The following FAM199X variants were observed in gnomAD, a reference collection of about 807,000 sequenced individuals.
The protein encoded by FAM199X is protein FAM199X.
A neutral mutation model predicts 22.9 loss-of-function variants in FAM199X; 4 were observed. That is an observed-to-expected ratio of 0.17 (90% CI 0.09 to 0.40). FAM199X has a LOEUF of 0.40. FAM199X is among the 10% of genes least tolerant of loss of function. The probability of loss-of-function intolerance (pLI) is 1.00; values close to 1 mark genes in which losing one functional copy is unlikely to be tolerated. For missense variants in FAM199X, 183 were observed against 306.8 expected (o/e 0.60, Z 3.01); for synonymous variants, 101 against 112.3 (o/e 0.90, Z 0.64).
chrX:104,161,835 T>TGTTTTTTTG (rs1295122979), upstream of FAM199X, among the ~76,000 whole-genome samples: 1 of 110,290 alleles, frequency 9.1e-6, no homozygotes, highest in Non-Finnish European at 1.9e-5. Flanking sequence ...AGCGTGACTC[T>TGTTTTTTTG]GTCTAAAAAC....
chrX:104,159,475 A>G, the FAM199X span, among the ~76,000 whole-genome samples: 1 of 112,345 alleles, frequency 8.9e-6, no homozygotes, highest in African/African-American at 3.2e-5. Flanking sequence ...AGAAAGGGAG[A>G]TGTGTTCCTA....
chrX:104,167,907 G>C (rs916070865), intron 1 of FAM199X, among the ~76,000 whole-genome samples: 3 of 110,826 alleles, frequency 2.7e-5, no homozygotes, highest in Non-Finnish European at 5.7e-5. Context: ...GGGGGGGTGT[G>C]TGGTTAAGGC....
chrX:104,182,715 A>T (rs1556378204), intron 2 of FAM199X, among the ~76,000 whole-genome samples: 1 of 111,685 alleles, frequency 9.0e-6, no homozygotes, highest in Non-Finnish European at 1.9e-5. Flanking sequence ...TGCCTTGTGA[A>T]ATTAACCCAG....
At chrX:104,160,078 G>T in the FAM199X span, among the ~76,000 whole-genome samples, 1 of 112,185 alleles carries the variant, frequency 8.9e-6, no homozygotes, top group African/African-American at 3.2e-5. Context: ...TCTGCTTCTA[G>T]GGAACCCTAA....
upstream of FAM199X, among the ~76,000 whole-genome samples, chrX:104,166,386 G>C (rs989220597): frequency 3.6e-4 from 40 of 112,101 alleles, 1 homozygote. Context: ...CTCCGGTCCA[G>C]CAGGGGGCAC....
chrX:104,177,912 A>G (rs1380083011), intron 2 of FAM199X, among the ~76,000 whole-genome samples: 1 of 111,917 alleles, frequency 8.9e-6, no homozygotes, highest in East Asian at 2.8e-4. Flanking sequence ...TGTTCACTTG[A>G]TAGTGTCCTT....
chrX:104,181,781 T>C (rs67444858), intron 2 of FAM199X, among the ~76,000 whole-genome samples: 17,829 of 110,269 alleles, frequency 0.16, 1,236 homozygotes, highest in Non-Finnish European at 0.23. Flanking sequence ...TTTTCTTATA[T>C]GTAAAATGAG....
At chrX:104,182,817 T>A (rs1921696013) in intron 2 of FAM199X, among the ~76,000 whole-genome samples, 1 of 111,425 alleles carries the variant, frequency 9.0e-6, no homozygotes, top group African/African-American at 3.3e-5. Context: ...GAAAAGTATA[T>A]CTCTTTATTG....
At chrX:104,182,917 C>G (rs1556378234) in intron 2 of FAM199X, among the ~76,000 whole-genome samples, 1 of 111,364 alleles carries the variant, frequency 9.0e-6, no homozygotes, top group Non-Finnish European at 1.9e-5. Context: ...TTACTACTAA[C>G]TCTGAGGCTC....
upstream of FAM199X, among the ~76,000 whole-genome samples, chrX:104,164,804 C>T (rs181047313): frequency 2.0e-3 from 221 of 111,300 alleles, 2 homozygotes; most frequent in Middle Eastern, 4.7e-3. Flanking sequence ...AGCTTGAACC[C>T]GGGAGGTGGG....
chrX:104,179,276 G>A (rs1418674938), intron 2 of FAM199X, among the ~76,000 whole-genome samples: 1 of 112,085 alleles, frequency 8.9e-6, no homozygotes, highest in Non-Finnish European at 1.9e-5. Flanking sequence ...TCATTAATAT[G>A]AGATGGAATA....
At chrX:104,176,948 G>T (rs1921506947) in intron 2 of FAM199X, among the ~76,000 whole-genome samples, 1 of 110,846 alleles carries the variant, frequency 9.0e-6, no homozygotes, top group African/African-American at 3.3e-5. Flanking sequence ...ATATTATTTG[G>T]ATTAAAACAT....
chrX:104,194,221 G>T lies in FAM199X; in HGVS notation c.*4443G>T, dbSNP rs1285223775. 1 of 111,355 alleles carries T rather than the reference G, an allele frequency of 9.0e-6. No individual in the cohort carries two copies. Among genetic ancestry groups the T allele is most frequent in the East Asian group, 2.8e-4 (1 of 3,588 alleles). The allele number at this position is 111,355 out of a possible 1,213,427, so 9.2% of individuals were successfully genotyped here. On this transcript the variant is annotated 3_prime_UTR_variant, in exon 6 of 6. Coordinates refer to ENST00000493442, the MANE Select transcript of FAM199X (RefSeq NM_207318.4). ...GTTTGATCTTCTCTAAATTCTGTATGTAGTACTTTTTTTAATTGTCACATT... is the reference window on the plus strand; with the variant it reads ...GTTTGATCTTCTCTAAATTCTGTATTTAGTACTTTTTTTAATTGTCACATT...
At position 104,190,315 on chromosome X, in the gene FAM199X, CT is replaced by C. The variant is rs1921906733; in HGVS notation, c.*541del. Reference sequence around the variant, plus strand: ...ATAATTCTTGATTCCTGGTGGAAATCTTTTCTGAGGTGTGGGGGTGGGCAAG... The same window carrying C: ...ATAATTCTTGATTCCTGGTGGAAATCTTTCTGAGGTGTGGGGGTGGGCAAG... On this transcript the variant is annotated 3_prime_UTR_variant, in exon 6 of 6. Transcript: ENST00000493442. The C allele has an allele frequency of 8.9e-6, 1 of 112,350 alleles. No homozygotes were observed. Among genetic ancestry groups the C allele is most frequent in the Non-Finnish European group, 1.9e-5 (1 of 53,642 alleles). 9.3% of individuals were successfully genotyped at this position (112,350 alleles called of 1,213,427 possible).
Position 104,193,445 on chromosome X carries a change from CAG to C in FAM199X, c.*3671_*3672del, listed in dbSNP as rs1556380898. 8.9e-6 allele frequency: 1 copy of C among 111,781 alleles called. No homozygotes were observed. Among genetic ancestry groups the C allele is most frequent in the Non-Finnish European group, 1.9e-5 (1 of 52,950 alleles). The allele number at this position is 111,781 out of a possible 1,213,427, so 9.2% of individuals were successfully genotyped here. The stretch of plus-strand genomic sequence containing the variant: ...GGTATAGGCAAAAGCACTTCAAGGA[CAG>C]AGATTATGTAGCAAGTTGATTCTCT... On this transcript the variant is annotated 3_prime_UTR_variant, in exon 6 of 6. Transcript: ENST00000493442.
upstream of FAM199X, among the ~76,000 whole-genome samples, chrX:104,162,134 A>G (rs1291738203): frequency 2.7e-5 from 3 of 111,864 alleles, no homozygotes; most frequent in Non-Finnish European, 3.8e-5. Flanking sequence ...GAAGGATACA[A>G]ACTTGCTTAG....
At position 104,195,812 on chromosome X, in the gene FAM199X, GTAAGT is replaced by G. The variant is rs1266375393; in HGVS notation, c.*6038_*6042del. On this transcript the variant is annotated 3_prime_UTR_variant, in exon 6 of 6. Coordinates refer to ENST00000493442, the MANE Select transcript of FAM199X (RefSeq NM_207318.4). ...AAATATTTTCATTTATTAGTCAAAG[GTAAGT>G]TAATTAAGCTTGTTTAATGATGCCA... 9.1e-6 allele frequency: 1 copy of G among 110,224 alleles called. No individual in the cohort carries two copies. Among genetic ancestry groups the G allele is most frequent in the African/African-American group, 3.3e-5 (1 of 30,310 alleles). The allele number at this position is 110,224 out of a possible 1,213,427, so 9.1% of individuals were successfully genotyped here.
intron 1 of FAM199X, 76 bp from the exon 2 acceptor site, chrX:104,175,547 A>T: frequency 3.6e-6 from 3 of 844,981 alleles, no homozygotes; most frequent in Non-Finnish European, 5.1e-6. Context: ...TGTTATAAAT[A>T]TGTCCTGTTA....
chrX:104,184,984 C>A (rs1206845184), intron 2 of FAM199X, among the ~76,000 whole-genome samples: 3 of 105,724 alleles, frequency 2.8e-5, no homozygotes, highest in Middle Eastern at 4.8e-3. Context: ...CTATGTTGGA[C>A]AGGCTGCTCT....
Sources: allele counts gnomAD v4.1 joint callset (sites outside exome capture counted in the v4.1 genomes callset), GRCh38; gene constraint gnomAD v4.1.1; transcripts MANE v1.5; gene names NCBI Gene and HGNC (gene_info 2026-07-23, HGNC 2026-07-21).